The following GRAMD1B variants were observed in gnomAD, a reference collection of about 807,000 sequenced individuals.
The protein encoded by GRAMD1B is protein Aster-B.
GRAMD1B carries 37 observed loss-of-function variants against 99.7 expected under a neutral mutation model. The observed-to-expected ratio is 0.37, with a 90% CI of 0.29 to 0.49. The LOEUF (loss-of-function observed/expected upper bound fraction) is 0.49, where lower values mean the gene tolerates loss of function less well. Among genes scored for constraint, GRAMD1B ranks in the 20% least tolerant of loss-of-function variants. The probability of loss-of-function intolerance (pLI) is 0.98; values close to 1 mark genes in which losing one functional copy is unlikely to be tolerated. For synonymous variants in GRAMD1B, 427 were observed against 387.6 expected (o/e 1.10, Z -1.19); for missense variants, 888 against 1,009.2 (o/e 0.88, Z 1.63).
At chr11:123,477,510 C>T (rs949909814) in intron 1 of GRAMD1B, among the ~76,000 whole-genome samples, 4 of 151,704 alleles carry the variant, frequency 2.6e-5, no homozygotes, top group Non-Finnish European at 5.9e-5. Flanking sequence ...GGTGCCAAGG[C>T]AAAGTCATTC....
upstream of GRAMD1B, among the ~76,000 whole-genome samples, chr11:123,430,058 AG>A (rs1220265630): frequency 1.3e-5 from 2 of 151,726 alleles, no homozygotes; most frequent in South Asian, 4.2e-4. Context: ...CGTTGCCCTG[AG>A]AAAGTTTGGT....
chr11:123,452,838 T>C, intron 1 of GRAMD1B, among the ~76,000 whole-genome samples: 1 of 152,226 alleles, frequency 6.6e-6, no homozygotes, highest in East Asian at 1.9e-4. Context: ...TTTGCTTCTC[T>C]TCTCCCTTTT....
intron 2 of GRAMD1B, among the ~76,000 whole-genome samples, chr11:123,544,189 C>T (rs1463126279): frequency 6.6e-6 from 1 of 152,190 alleles, no homozygotes; most frequent in Non-Finnish European, 1.5e-5. Context: ...ACAAGACACA[C>T]ATGGAGTGGC....
chr11:123,550,892 T>C (rs1354481980), intron 2 of GRAMD1B, among the ~76,000 whole-genome samples: 1 of 152,212 alleles, frequency 6.6e-6, no homozygotes, highest in Non-Finnish European at 1.5e-5. Flanking sequence ...CAGTTTGGCC[T>C]TTCTCTTAAA....
At chr11:123,436,952 G>C (rs1949189679) in intron 1 of GRAMD1B, among the ~76,000 whole-genome samples, 1 of 152,038 alleles carries the variant, frequency 6.6e-6, no homozygotes, top group South Asian at 2.1e-4. Flanking sequence ...CCCTTCCTGT[G>C]TCCATGTGTT....
chr11:123,612,171 C>T (rs947717749), intron 14 of GRAMD1B, among the ~76,000 whole-genome samples: 2 of 151,906 alleles, frequency 1.3e-5, no homozygotes, highest in Admixed American at 1.3e-4. Flanking sequence ...ACTGCAGCCT[C>T]AACCTCCACC....
chr11:123,362,061 T>C (rs968088558), intron 1 of GRAMD1B, among the ~76,000 whole-genome samples: 2 of 152,234 alleles, frequency 1.3e-5, no homozygotes, highest in African/African-American at 4.8e-5. Context: ...TTGACGTTGA[T>C]GAATTTGTGA....
chr11:123,548,888 C>T (rs1262344958), intron 2 of GRAMD1B, among the ~76,000 whole-genome samples: 1 of 152,192 alleles, frequency 6.6e-6, no homozygotes, highest in East Asian at 1.9e-4. Context: ...GGATTATAGG[C>T]AAGAGCCACT....
At chr11:123,583,268 T>TGTGTGTGTGCATGTGTGTGTG (rs1491302231) in intron 3 of GRAMD1B, among the ~76,000 whole-genome samples, 178 of 149,972 alleles carry the variant, frequency 1.2e-3, no homozygotes, top group African/African-American at 4.2e-3. Flanking sequence ...CACATGCGCA[T>TGTGTGTGTGCATGTGTGTGTG]GTGTGTGTGC....
chr11:123,384,415 G>T (rs1332537217), intron 1 of GRAMD1B, among the ~76,000 whole-genome samples: 2 of 152,076 alleles, frequency 1.3e-5, no homozygotes, highest in East Asian at 3.9e-4. Context: ...CTTGGTCTTT[G>T]TGCTGCTGTA....
chr11:123,461,146 AT>A (rs1370205720), intron 1 of GRAMD1B, among the ~76,000 whole-genome samples: 1 of 152,232 alleles, frequency 6.6e-6, no homozygotes, highest in Non-Finnish European at 1.5e-5. Context: ...TTGGTCTTCA[AT>A]CAGATGTGAA....
intron 1 of GRAMD1B, among the ~76,000 whole-genome samples, chr11:123,374,003 G>A (rs578253565): frequency 2.0e-5 from 3 of 152,278 alleles, no homozygotes; most frequent in African/African-American, 7.2e-5. Context: ...TTACTGAGTA[G>A]CTAGCTACTC....
chr11:123,403,474 T>TAAA (rs1467417290), intron 1 of GRAMD1B, among the ~76,000 whole-genome samples: 101 of 148,134 alleles, frequency 6.8e-4, no homozygotes, highest in Non-Finnish European at 1.3e-3. Flanking sequence ...ATAATAATAA[T>TAAA]AATAATAATA....
At chr11:123,426,893 G>T (rs1948672531), upstream of GRAMD1B, among the ~76,000 whole-genome samples, 1 of 152,224 alleles carries the variant, frequency 6.6e-6, no homozygotes, top group Admixed American at 6.5e-5. Flanking sequence ...GTAATAGACA[G>T]GTGTTGGGTG....
chr11:123,583,352 C>CATGTGTGT (rs1230661370), intron 3 of GRAMD1B, among the ~76,000 whole-genome samples: 2 of 138,582 alleles, frequency 1.4e-5, no homozygotes, highest in African/African-American at 2.8e-5. Flanking sequence ...TGCACGTGTG[C>CATGTGTGT]ATGTGTGTAT....
intron 19 of GRAMD1B, among the ~76,000 whole-genome samples, chr11:123,621,960 TTTC>T (rs1261531187): frequency 1.3e-5 from 2 of 151,682 alleles, no homozygotes; most frequent in African/African-American, 4.8e-5. Context: ...TTCTTTCTTC[TTTC>T]TTTCTTTCCT....
chr11:123,435,937 C>CT (rs10647186), intron 1 of GRAMD1B, among the ~76,000 whole-genome samples: 20,603 of 95,514 alleles, frequency 0.22, 3,279 homozygotes, highest in East Asian at 0.46. Context: ...GAAACTCATA[C>CT]TTTTTTTTTT....
At chr11:123,431,995 A>G (rs1948916878) in intron 1 of GRAMD1B, 1 of 398,528 alleles carries the variant, frequency 2.5e-6, no homozygotes, top group African/African-American at 2.1e-5. Flanking sequence ...CACGAATCCT[A>G]CATATTTACT....
At chr11:123,542,674 C>T (rs1794187) in intron 2 of GRAMD1B, among the ~76,000 whole-genome samples, 91,144 of 152,060 alleles carry the variant, frequency 0.6, 28,582 homozygotes, top group South Asian at 0.79. Flanking sequence ...GTTTTTTAGA[C>T]GGAATTTTGC....
Sources: allele counts gnomAD v4.1 joint callset (sites outside exome capture counted in the v4.1 genomes callset), GRCh38; gene constraint gnomAD v4.1.1; transcripts MANE v1.5; gene names NCBI Gene and HGNC (gene_info 2026-07-23, HGNC 2026-07-21).